Variants in WLS observed in about 807,000 individuals in gnomAD.
WLS encodes Wnt ligand secretion mediator.
A neutral mutation model predicts 62.8 loss-of-function variants in WLS; 23 were observed. That is an observed-to-expected ratio of 0.37 (90% CI 0.26 to 0.52). WLS has a LOEUF of 0.52. Among genes scored for constraint, WLS ranks in the 20% least tolerant of loss-of-function variants. The pLI, the probability that WLS is intolerant of heterozygous loss-of-function variation, is 0.92. For missense variants in WLS, 615 were observed against 697.3 expected, an observed-to-expected ratio of 0.88 and a Z score of 1.33; for synonymous variants, 246 against 244.1, an observed-to-expected ratio of 1.01 and a Z score of -0.07.
chr1:68,116,400 C>T (rs147913975), intron 11 of WLS, among the ~76,000 whole-genome samples: 8 of 152,252 alleles, frequency 5.3e-5, no homozygotes, highest in South Asian at 4.1e-4. Context: ...ATAATGGCTC[C>T]GTCTATACAA....
chr1:68,232,349 G>A lies in WLS; in HGVS notation c.-50C>T, dbSNP rs1027534137. On this transcript the variant is annotated 5_prime_UTR_variant, in exon 1 of 12. Transcript: ENST00000262348. The stretch of plus-strand genomic sequence containing the variant: ...CTCCTTGAAATAAATGTTTTAGGGT[G>A]AGCTTTTTGCTCCCTCCTCTCACAC... 1 of 1,592,148 alleles carries A rather than the reference G, an allele frequency of 6.3e-7. No individual in the cohort carries two copies. The highest frequency in any genetic ancestry group is 1.4e-5 in the African/African-American group (1 of 74,048).
At chr1:68,167,967 T>TA (rs1220347627) in intron 2 of WLS, among the ~76,000 whole-genome samples, 1 of 152,166 alleles carries the variant, frequency 6.6e-6, no homozygotes, top group Non-Finnish European at 1.5e-5. Flanking sequence ...AAGCATCAAC[T>TA]AATTGTATCC....
At chr1:68,178,705 C>CAAAAAGAAAA (rs1647375003) in intron 2 of WLS, among the ~76,000 whole-genome samples, 1 of 108,232 alleles carries the variant, frequency 9.2e-6, no homozygotes, top group African/African-American at 3.2e-5. Context: ...GACTACATTT[C>CAAAAAGAAAA]AAAAAAAAAA....
chr1:68,195,451 C>T (rs906845275), intron 1 of WLS, among the ~76,000 whole-genome samples: 6 of 152,210 alleles, frequency 3.9e-5, no homozygotes, highest in African/African-American at 1.4e-4. Flanking sequence ...CTTGGGCACA[C>T]ACAAAGTATA....
At chr1:68,218,084 A>G (rs1649805487) in intron 1 of WLS, among the ~76,000 whole-genome samples, 2 of 152,234 alleles carry the variant, frequency 1.3e-5, no homozygotes, top group Non-Finnish European at 1.5e-5. Context: ...ATTCCAAAGT[A>G]AACATACAAC....
intron 2 of WLS, among the ~76,000 whole-genome samples, chr1:68,177,603 C>G (rs1186285047): frequency 6.6e-6 from 1 of 152,192 alleles, no homozygotes; most frequent in Admixed American, 6.5e-5. Context: ...AAGCAGTCCT[C>G]CTACCTCAGC....
intron 8 of WLS, 45 bp from the exon 9 acceptor site, chr1:68,146,057 G>T: frequency 1.9e-6 from 3 of 1,604,260 alleles, no homozygotes; most frequent in Non-Finnish European, 2.6e-6. Flanking sequence ...CCAAGGCCAA[G>T]TTGAGCCGGG....
chr1:68,200,534 A>G (rs1264365515), intron 1 of WLS, among the ~76,000 whole-genome samples: 1 of 151,644 alleles, frequency 6.6e-6, no homozygotes, highest in Non-Finnish European at 1.5e-5. Context: ...TATATCTTCA[A>G]AAGTTTGGGG....
rs758885772 is a variant in WLS at position 68,148,618 on chromosome 1, C to T, written c.1015G>A (p.Val339Ile). Residue 339 changes from valine (V) to isoleucine (I), a missense_variant, in exon 7 of 12, where the codon GTC (valine) becomes ATC (isoleucine). By Grantham distance (29) the Val-to-Ile change is conservative. Transcript: ENST00000262348. ...RNHIAGYWKQVGPIAVGSFCL... is the reference protein window; with the variant it reads ...RNHIAGYWKQIGPIAVGSFCL... ...AAGGAGCCAACGGCAATGGGTCCGA[C>T]TTGCTTCCAATACCCTGCGATGTGG... 2 of 1,614,112 alleles carry T rather than the reference C, an allele frequency of 1.2e-6. No homozygotes were observed. Among genetic ancestry groups the T allele is most frequent in the Non-Finnish European group, 1.7e-6 (2 of 1,180,012 alleles).
intron 2 of WLS, among the ~76,000 whole-genome samples, chr1:68,179,549 C>T (rs1356984287): frequency 1.3e-5 from 2 of 152,130 alleles, no homozygotes; most frequent in African/African-American, 4.8e-5. Context: ...AATTAGCGAA[C>T]ATTTGTTTGC....
intron 2 of WLS, among the ~76,000 whole-genome samples, chr1:68,192,999 C>T (rs1396464340): frequency 2.7e-5 from 4 of 148,906 alleles, no homozygotes; most frequent in Non-Finnish European, 4.4e-5. Flanking sequence ...ATCCCAGCTA[C>T]GTGGGAGGCT....
At chr1:68,135,667 A>C (rs1373658883) in intron 11 of WLS, among the ~76,000 whole-genome samples, 1 of 152,168 alleles carries the variant, frequency 6.6e-6, no homozygotes, top group Non-Finnish European at 1.5e-5. Context: ...CCATTGCTTT[A>C]AGTGGTATTT....
chr1:68,220,946 G>A (rs10493437), intron 1 of WLS, among the ~76,000 whole-genome samples: 13,189 of 151,998 alleles, frequency 0.087, 1,123 homozygotes, highest in East Asian at 0.38. Flanking sequence ...ACTGCTCATC[G>A]ATCTCCTAAA....
intron 1 of WLS, among the ~76,000 whole-genome samples, chr1:68,213,312 A>G (rs372190874): frequency 7.9e-5 from 12 of 152,012 alleles, no homozygotes; most frequent in Middle Eastern, 3.4e-3. Context: ...TTAGCCAGGC[A>G]TGGTGGTAGG....
chr1:68,211,146 A>G (rs1181730804), intron 1 of WLS, among the ~76,000 whole-genome samples: 1 of 152,210 alleles, frequency 6.6e-6, no homozygotes, highest in Non-Finnish European at 1.5e-5. Flanking sequence ...CTGTACACCA[A>G]CAATTCATTA....
At chr1:68,118,875 C>CAAAAAAAAAAAAA (rs33982774) in intron 11 of WLS, among the ~76,000 whole-genome samples, 369 of 26,388 alleles carry the variant, frequency 0.014, 81 homozygotes, top group East Asian at 0.047. Context: ...GACTCTGTCT[C>CAAAAAAAAAAAAA]AAAAAAAAAA....
At chr1:68,232,120 T>C (rs1227641926) in intron 1 of WLS, 74 bp downstream of exon 1, 21 of 1,590,958 alleles carry the variant, frequency 1.3e-5, no homozygotes, top group Non-Finnish European at 1.8e-5. Context: ...CTGTAACAAG[T>C]AGCCCAAGAG....
chr1:68,166,337 A>T (rs1447769412), intron 2 of WLS, among the ~76,000 whole-genome samples: 1 of 152,258 alleles, frequency 6.6e-6, no homozygotes. Flanking sequence ...AAGCAGTCAC[A>T]CAATATGAAT....
chr1:68,110,007 TAAAAAAAAAAAA>T (rs11290966), intron 11 of WLS, among the ~76,000 whole-genome samples: 1 of 28,456 alleles, frequency 3.5e-5, no homozygotes, highest in Non-Finnish European at 6.3e-5. Context: ...ACACAAAAAG[TAAAAAAAAAAAA>T]AAAAAAAAAA....
Sources: gnomAD v4.1 joint callset for allele counts (sites outside exome capture counted in the v4.1 genomes callset) on GRCh38, gnomAD v4.1.1 for gene constraint, MANE v1.5 for transcripts, NCBI Gene and HGNC (gene_info 2026-07-23, HGNC 2026-07-21) for gene names.